Variants in ZMYND11 observed in about 807,000 individuals in gnomAD.
ZMYND11 encodes zinc finger MYND-type containing 11, also known as zinc finger MYND domain-containing protein 11.
Under a neutral mutation model 84.9 loss-of-function variants are expected in ZMYND11, and 9 were observed. The observed-to-expected ratio is 0.11, with a 90% CI of 0.06 to 0.18. The LOEUF (loss-of-function observed/expected upper bound fraction) is 0.18, where lower values mean the gene tolerates loss of function less well. ZMYND11 is among the 10% of genes least tolerant of loss of function. ZMYND11 has a pLI of 1.00. For missense variants in ZMYND11, 409 were observed against 761.0 expected (o/e 0.54, Z 5.44); for synonymous variants, 250 against 244.1 (o/e 1.02, Z -0.23).
chr10:160,361 C>A (rs1842689423), intron 1 of ZMYND11, among the ~76,000 whole-genome samples: 1 of 152,174 alleles, frequency 6.6e-6, no homozygotes, highest in Admixed American at 6.5e-5. Flanking sequence ...ATCATCTGAG[C>A]CTTCAGGGAA....
chr10:143,771 A>G (rs898212525), intron 1 of ZMYND11, among the ~76,000 whole-genome samples: 2 of 152,232 alleles, frequency 1.3e-5, no homozygotes, highest in East Asian at 3.8e-4. Flanking sequence ...CTGCACGTAT[A>G]TGTTCTACAG....
upstream of ZMYND11, chr10:134,957 G>A (rs1465441717): frequency 6.7e-6 from 1 of 149,730 alleles, no homozygotes; most frequent in African/African-American, 2.4e-5. Context: ...CCGGCCGCGC[G>A]CAAGTCCGGC....
chr10:152,932 G>A (rs1169286145), intron 1 of ZMYND11, among the ~76,000 whole-genome samples: 1 of 152,184 alleles, frequency 6.6e-6, no homozygotes, highest in Non-Finnish European at 1.5e-5. Flanking sequence ...CAACTACATG[G>A]AAACTGAACA....
At position 135,954 on chromosome 10, in the gene ZMYND11, G is replaced by A. The variant is rs550393552; in HGVS notation, c.-20+395G>A. ...GCTTTCGGTCAGGCCTCCTGGGCCCGTGCGCAGTCCGGGCCGGCGGGGAAC... is the reference window on the plus strand; with the variant it reads ...GCTTTCGGTCAGGCCTCCTGGGCCCATGCGCAGTCCGGGCCGGCGGGGAAC... On this transcript the variant is annotated intron_variant, in intron 1 of 14. Coordinates refer to ENST00000381604, the MANE Select transcript of ZMYND11 (RefSeq NM_001370100.5). The surrounding 1 kb of genome is among the most constrained non-coding windows in gnomAD (Gnocchi z 5.6). Among the ~76,000 whole-genome samples the A allele has an allele frequency of 3.0e-3, 460 of 151,416 alleles. 7 individuals carry two copies. The highest frequency in any genetic ancestry group is 2.6e-3 in the Non-Finnish European group (177 of 67,708).
At chr10:195,375 AAAAAAT>A (rs1458855062) in intron 2 of ZMYND11, among the ~76,000 whole-genome samples, 1 of 152,212 alleles carries the variant, frequency 6.6e-6, no homozygotes, top group Non-Finnish European at 1.5e-5. Context: ...CATTAACTGT[AAAAAAT>A]AAAAATAATG....
intron 1 of ZMYND11, among the ~76,000 whole-genome samples, chr10:169,475 A>G (rs953967347): frequency 6.6e-6 from 1 of 152,212 alleles, no homozygotes; most frequent in Non-Finnish European, 1.5e-5. Context: ...CAGATATGGC[A>G]GGAATGTTGG....
intron 1 of ZMYND11, among the ~76,000 whole-genome samples, chr10:142,872 A>G (rs1216245314): frequency 6.6e-6 from 1 of 152,204 alleles, no homozygotes; most frequent in East Asian, 1.9e-4. Context: ...ACAAGCATAG[A>G]TAATTGGTTC....
chr10:228,827 T>A (rs939400305), intron 4 of ZMYND11, among the ~76,000 whole-genome samples: 12 of 152,208 alleles, frequency 7.9e-5, no homozygotes, highest in Non-Finnish European at 1.8e-4. Context: ...CTAAGTCATA[T>A]AGCAAGCCAC....
At chr10:177,010 A>G (rs1846778179) in intron 1 of ZMYND11, among the ~76,000 whole-genome samples, 1 of 152,132 alleles carries the variant, frequency 6.6e-6, no homozygotes, top group Non-Finnish European at 1.5e-5. Context: ...CTTTCTTTTT[A>G]TTGATGAACA....
At chr10:219,780 C>G (rs1589045365) in intron 3 of ZMYND11, among the ~76,000 whole-genome samples, 1 of 152,238 alleles carries the variant, frequency 6.6e-6, no homozygotes, top group Admixed American at 6.5e-5. Flanking sequence ...AATTACCATA[C>G]CAAAGGAAGT....
intron 4 of ZMYND11, among the ~76,000 whole-genome samples, chr10:236,326 G>C (rs1402218089): frequency 6.6e-6 from 1 of 152,246 alleles, no homozygotes; most frequent in African/African-American, 2.4e-5. Context: ...CTAAGAGTTG[G>C]AGTTATTACT....
intron 2 of ZMYND11, among the ~76,000 whole-genome samples, chr10:187,290 G>A (rs1013478318): frequency 3.3e-5 from 5 of 152,244 alleles, no homozygotes; most frequent in African/African-American, 1.2e-4. Context: ...TAGTAGGGAA[G>A]GTACTGTAAG....
chr10:249,752 TCA>T, intron 14 of ZMYND11: 3 of 985,366 alleles, frequency 3.0e-6, no homozygotes, highest in Non-Finnish European at 3.6e-6. Context: ...TAACTTGGTT[TCA>T]GTTTTAATAA....
intron 2 of ZMYND11, among the ~76,000 whole-genome samples, chr10:187,633 CA>C (rs55992888): frequency 0.018 from 2,438 of 135,868 alleles, 41 homozygotes; most frequent in Admixed American, 0.056. Flanking sequence ...GACTCCGTCT[CA>C]AAAAAAAAAA....
At chr10:239,824 TACC>T in intron 7 of ZMYND11, 1 of 553,682 alleles carries the variant, frequency 1.8e-6, no homozygotes, top group African/African-American at 1.9e-5. Context: ...TCCCCACTAG[TACC>T]ACATCATCCA....
rs571155803 is a variant in ZMYND11, at chr10:142,344, C to T, written c.-20+6785C>T. On this transcript the variant is annotated intron_variant, in intron 1 of 14. Transcript: ENST00000381604. The stretch of plus-strand genomic sequence containing the variant: ...CTGAGCTCAAGCGAACCACCTGACT[C>T]GTTCTCAAAGTGTTAAGATTAGAGG... Among the ~76,000 whole-genome samples, 11 of 152,284 alleles carry T rather than the reference C, an allele frequency of 7.2e-5. No individual in the cohort carries two copies. The East Asian group carries it at 1.9e-3, about 27-fold the overall frequency.
Position 252,309 on chromosome 10 carries a change from CA to C in ZMYND11, c.1687-38del. 1 of 1,611,154 alleles carries C rather than the reference CA, an allele frequency of 6.2e-7. No homozygotes were observed. The highest frequency in any genetic ancestry group is 2.2e-5 in the East Asian group (1 of 44,786). On this transcript the variant is annotated intron_variant, in intron 14 of 14. Coordinates refer to ENST00000381604, the MANE Select transcript of ZMYND11 (RefSeq NM_001370100.5). The surrounding 1 kb of genome is among the most constrained non-coding windows in gnomAD (Gnocchi z 4.6). ...TTTTAACCAGTCGCTTACACATCCA[CA>C]CCCAAGTCTAAAGACTGCCCCGATT...
At chr10:219,811 T>C (rs1946817714) in intron 3 of ZMYND11, among the ~76,000 whole-genome samples, 1 of 152,190 alleles carries the variant, frequency 6.6e-6, no homozygotes, top group Admixed American at 6.5e-5. Flanking sequence ...TATACATCTG[T>C]AGCAAATAAC....
At chr10:220,713 A>C (rs1269710441) in intron 3 of ZMYND11, among the ~76,000 whole-genome samples, 1 of 152,244 alleles carries the variant, frequency 6.6e-6, no homozygotes, top group African/African-American at 2.4e-5. Flanking sequence ...CCAGTGCCAC[A>C]GATGAGAAGA....
Sources: allele counts gnomAD v4.1 joint callset (sites outside exome capture counted in the v4.1 genomes callset), GRCh38; gene constraint gnomAD v4.1.1; non-coding constraint Gnocchi (gnomAD v3.1); transcripts MANE v1.5; gene names NCBI Gene and HGNC (gene_info 2026-07-23, HGNC 2026-07-21).